ZNF717: variants seen among roughly 807,000 people sequenced by gnomAD.
ZNF717 encodes krueppel-like factor X17.
ZNF717 carries 9 observed loss-of-function variants against 13.8 expected under a neutral mutation model. That is an observed-to-expected ratio of 0.65 (90% CI 0.39 to 1.14). The LOEUF is 1.14. Among genes scored for constraint, ZNF717 ranks in the 50% most tolerant of loss-of-function variants. ZNF717 has a pLI of 0.01. For synonymous variants in ZNF717, 327 were observed against 364.1 expected (o/e 0.90, Z 1.16); for missense variants, 1,040 against 1,080.7 (o/e 0.96, Z 0.53).
Position 75,737,456 on chromosome 3 carries a change from C to A in ZNF717, c.2167G>T (p.Val723Leu). Residue 723 changes from valine (V) to leucine (L), a missense_variant, in exon 5 of 5, where the codon GTA becomes TTA. Around this residue, in one of 3 missense-constraint regions of ZNF717, gnomAD observed 873 missense variants for 832.8 expected, o/e 1.05. Transcript: ENST00000652011. ...ATAGGGTTTCTCCCCCGTGTGAATA[C>A]CTTGATGCTTCTGAAGATTTGCCTT... is the stretch of plus-strand genomic sequence containing the variant. ...IRRQIFRSIK[V>L]FTRGRNPMNV... The A allele has an allele frequency of 6.4e-7, 1 of 1,555,552 alleles. No individual in the cohort carries two copies. Among genetic ancestry groups the A allele is most frequent in the East Asian group, 2.4e-5 (1 of 41,138 alleles).
intron 6 of ZNF717, among the ~76,000 whole-genome samples, chr3:75,695,566 A>T (rs1937594085): frequency 6.6e-6 from 1 of 152,306 alleles, no homozygotes; most frequent in African/African-American, 2.4e-5. Context: ...TCAAGGATAG[A>T]CCATATGTTA....
downstream of ZNF717, among the ~76,000 whole-genome samples, chr3:75,727,422 A>AGATG (rs1160552351): frequency 2.0e-5 from 3 of 152,220 alleles, no homozygotes; most frequent in African/African-American, 7.2e-5. Context: ...GAGGGCCTAC[A>AGATG]GATGGACGTG....
chr3:75,782,130 T>C (rs58994993), intron 2 of ZNF717, among the ~76,000 whole-genome samples: 2 of 152,110 alleles, frequency 1.3e-5, no homozygotes, highest in Non-Finnish European at 2.9e-5. Context: ...GTTTCAACTA[T>C]GGTAGAAGAC....
intron 4 of ZNF717, among the ~76,000 whole-genome samples, chr3:75,718,158 G>T (rs796312477): frequency 6.6e-6 from 1 of 152,126 alleles, no homozygotes; most frequent in Non-Finnish European, 1.5e-5. Context: ...AGGGGACAAC[G>T]GAACTGAGGC....
chr3:75,737,827 G>A lies in ZNF717; in HGVS notation c.1796C>T (p.Thr599Ile), dbSNP rs1575761721. 1.9e-6 allele frequency: 3 copies of A among 1,551,214 alleles called. No individual in the cohort carries two copies. The highest frequency in any genetic ancestry group is 1.7e-6 in the Non-Finnish European group (2 of 1,146,892). The stretch of plus-strand genomic sequence containing the variant: ...CCCAAGGTTTAACTTATTGATAAAG[G>A]TTTTCTCACATTCATTACATTCATA... ...KPYECNECEK[T>I]FINKLNLGIH... Residue 599 changes from threonine (T) to isoleucine (I), a missense_variant, in exon 5 of 5, where the codon ACC becomes ATC. Coordinates refer to ENST00000652011, the MANE Select transcript of ZNF717 (RefSeq NM_001290208.3).
chr3:75,705,028 C>T (rs1180865620), downstream of ZNF717, among the ~76,000 whole-genome samples: 4 of 152,278 alleles, frequency 2.6e-5, no homozygotes, highest in Non-Finnish European at 5.9e-5. Context: ...TGACAACCCT[C>T]TGCAAACAAT....
Position 75,738,987 on chromosome 3 carries a change from A to G in ZNF717, c.636T>C (p.Asn212=). Residue 212 remains asparagine (N), a synonymous_variant, in exon 5 of 5, where the codon AAT becomes AAC. Transcript: ENST00000652011. ...CCGTGTTGAAGGTTTTCCCTTGTTCATTACATTGAAAAGTCTGCAGCAGAG... is the reference window on the plus strand; with the variant it reads ...CCGTGTTGAAGGTTTTCCCTTGTTCGTTACATTGAAAAGTCTGCAGCAGAG... ...IQTLLQTFQC[N]EQGKTFNTEA... is the part of the protein sequence containing the mutation. The G allele has an allele frequency of 1.3e-6, 2 of 1,551,594 alleles. No homozygotes were observed. Among genetic ancestry groups the G allele is most frequent in the Non-Finnish European group, 1.7e-6 (2 of 1,146,942 alleles).
At chr3:75,724,287 C>CTCTA (rs1279397535) in intron 4 of ZNF717, among the ~76,000 whole-genome samples, 1 of 151,022 alleles carries the variant, frequency 6.6e-6, no homozygotes, top group Non-Finnish European at 1.5e-5. Context: ...ATGTCTTTTC[C>CTCTA]TCTATCTCTT....
chr3:75,768,020 G>A (rs1176413384), intron 2 of ZNF717, among the ~76,000 whole-genome samples: 3 of 152,154 alleles, frequency 2.0e-5, no homozygotes, highest in African/African-American at 4.8e-5. Context: ...AGCCCAGAGG[G>A]AGGAGTAAAA....
chr3:75,781,041 T>C (rs1342621968), intron 2 of ZNF717, among the ~76,000 whole-genome samples: 1 of 152,218 alleles, frequency 6.6e-6, no homozygotes, highest in Non-Finnish European at 1.5e-5. Flanking sequence ...GGCCAATCTC[T>C]CAAAATTGAG....
intron 4 of ZNF717, among the ~76,000 whole-genome samples, chr3:75,719,988 T>TAATAATAATAAC (rs1358858733): frequency 6.7e-6 from 1 of 149,490 alleles, no homozygotes; most frequent in Non-Finnish European, 1.5e-5. Flanking sequence ...ATAATAATAA[T>TAATAATAATAAC]AATAATAATA....
intron 2 of ZNF717, among the ~76,000 whole-genome samples, chr3:75,779,073 T>A (rs1054755922): frequency 6.9e-6 from 1 of 143,950 alleles, no homozygotes; most frequent in Non-Finnish European, 1.5e-5. Flanking sequence ...CCCAAAACAA[T>A]GGGAGTGACC....
downstream of ZNF717, among the ~76,000 whole-genome samples, chr3:75,725,692 CAA>C (rs35680787): frequency 0.31 from 45,946 of 150,010 alleles, 6,857 homozygotes; most frequent in Non-Finnish European, 0.4. Context: ...CGGCAGCAGA[CAA>C]GAGAGAGCAT....
In ZNF717 at chr3:75,745,679, A is replaced by G. The variant is rs1207118934; in HGVS notation, c.58-3943T>C. ...TGTACTTTGTAACTCTATGAGATCA[A>G]CTTTTTTATATACCAGTAGGAGTCA... On this transcript the variant is annotated intron_variant, in intron 2 of 4. Transcript: ENST00000652011. 4.6e-5 allele frequency among the ~76,000 whole-genome samples: 7 copies of G among 152,094 alleles called. No individual in the cohort carries two copies. In the East Asian group the frequency reaches 1.4e-3, roughly 29 times the overall value.
intron 2 of ZNF717, among the ~76,000 whole-genome samples, chr3:75,745,931 T>G (rs1941128681): frequency 1.3e-5 from 2 of 152,150 alleles, no homozygotes; most frequent in Non-Finnish European, 2.9e-5. Flanking sequence ...CGTGCAGGTT[T>G]CTTACATATG....
chr3:75,746,591 A>T (rs4381970), intron 2 of ZNF717, among the ~76,000 whole-genome samples: 49,356 of 151,926 alleles, frequency 0.32, 9,245 homozygotes, highest in Non-Finnish European at 0.43. Context: ...GTGTGAGATG[A>T]TATCTCATTG....
chr3:75,728,447 G>A (rs1345892433), downstream of ZNF717, among the ~76,000 whole-genome samples: 1 of 152,228 alleles, frequency 6.6e-6, no homozygotes, highest in Non-Finnish European at 1.5e-5. Context: ...GTAAGACTGG[G>A]GTAAGGGGAA....
intron 4 of ZNF717, among the ~76,000 whole-genome samples, chr3:75,717,386 G>C (rs1274893981): frequency 6.6e-6 from 1 of 152,106 alleles, no homozygotes; most frequent in Non-Finnish European, 1.5e-5. Flanking sequence ...TATTTTGAAC[G>C]GGTAGAAAAT....
chr3:75,779,108 T>G (rs570054278), intron 2 of ZNF717, among the ~76,000 whole-genome samples: 4 of 145,880 alleles, frequency 2.7e-5, no homozygotes, highest in African/African-American at 1.0e-4. Context: ...CCCAAAACAA[T>G]GGGATTGACG....
Sources: gnomAD v4.1 joint callset for allele counts (sites outside exome capture counted in the v4.1 genomes callset) on GRCh38, gnomAD v4.1.1 for gene constraint, gnomAD v4.1.1 regional missense constraint, MANE v1.5 for transcripts, NCBI Gene and HGNC (gene_info 2026-07-23, HGNC 2026-07-21) for gene names.